UMODL1: variants seen among roughly 807,000 people sequenced by gnomAD.
The protein encoded by UMODL1 is uromodulin-like 1.
Under a neutral mutation model 136.3 loss-of-function variants are expected in UMODL1, and 128 were observed. That is an observed-to-expected ratio of 0.94 (90% CI 0.81 to 1.09). The LOEUF (loss-of-function observed/expected upper bound fraction) is 1.09. Ranked by LOEUF, UMODL1 falls within the 50% of genes least tolerant of loss-of-function variation. UMODL1 has a pLI of 0.00. For synonymous variants in UMODL1, 721 were observed against 720.0 expected (o/e 1.00, Z -0.02); for missense variants, 1,766 against 1,725.6 (o/e 1.02, Z -0.41).
chr21:42,098,179 A>G (rs1354990669), intron 6 of UMODL1, among the ~76,000 whole-genome samples: 2 of 80,438 alleles, frequency 2.5e-5, no homozygotes, highest in African/African-American at 7.0e-5. Flanking sequence ...GTCCCCAGAG[A>G]GACTGTTCTG....
chr21:42,138,739 C>A (rs2123407216), intron 22 of UMODL1, among the ~76,000 whole-genome samples: 1 of 152,268 alleles, frequency 6.6e-6, no homozygotes, highest in East Asian at 1.9e-4. Context: ...CCACACCCAG[C>A]TAGTTTTGTA....
At chr21:42,129,435 C>T (rs1481275848) in intron 20 of UMODL1, among the ~76,000 whole-genome samples, 2 of 152,168 alleles carry the variant, frequency 1.3e-5, no homozygotes, top group African/African-American at 4.8e-5. Context: ...GCAGCTCTAG[C>T]AACCAAAAGC....
At chr21:42,073,017 TGTGTGC>T (rs1297685014) in intron 1 of UMODL1, among the ~76,000 whole-genome samples, 5 of 150,874 alleles carry the variant, frequency 3.3e-5, no homozygotes, top group African/African-American at 4.9e-5. Flanking sequence ...AGTGTGTGTG[TGTGTGC>T]GCGCGCGCGT....
At chr21:42,069,646 C>T (rs1012696828), upstream of UMODL1, among the ~76,000 whole-genome samples, 2 of 152,114 alleles carry the variant, frequency 1.3e-5, no homozygotes, top group Non-Finnish European at 2.9e-5. Flanking sequence ...ATAGGGCAAT[C>T]GTGAAGATGA....
rs372833126 is a variant in UMODL1 at position 42,122,576 on chromosome 21, C to T, written c.2828-255C>T. 6.9e-4 allele frequency among the ~76,000 whole-genome samples: 104 copies of T among 150,512 alleles called. No individual in the cohort carries two copies. Among genetic ancestry groups the T allele is most frequent in the Middle Eastern group, 3.4e-3 (1 of 294 alleles). On this transcript the variant is annotated intron_variant, in intron 16 of 22. Coordinates refer to ENST00000408910, the MANE Select transcript of UMODL1 (RefSeq NM_001004416.3). This position sits in a 1 kb window ranked among gnomAD's most constrained non-coding sequence, Gnocchi z 4.3. ...GTGTGTGTCTGCACGTGTGTGCGTG[C>T]GTGTGTGCATGTGTGTGCATGTGTG...
At chr21:42,118,885 G>C (rs199726197) in intron 14 of UMODL1, among the ~76,000 whole-genome samples, 4 of 21,536 alleles carry the variant, frequency 1.9e-4, no homozygotes, top group African/African-American at 4.9e-4. Flanking sequence ...TTACTGGTTT[G>C]GGGGGGGAAA....
In UMODL1 at chr21:42,127,022, G is replaced by A. The variant is rs775296850; in HGVS notation, c.3310G>A (p.Glu1104Lys). ...CTCTTGCAGGGTTTACACCATCATC[G>A]AGGACCTCCACGGCGCTGGGAATTT... is the stretch of plus-strand genomic sequence containing the variant. ...TLEWGVYTII[E>K]DLHGAGNFVT... The change falls in exon 19 of 23, where the codon GAG (glutamate) becomes AAG (lysine). Residue 1104 changes from glutamate to lysine, a missense_variant. Coordinates refer to ENST00000408910, the MANE Select transcript of UMODL1 (RefSeq NM_001004416.3). 31 of 1,614,030 alleles carry A rather than the reference G, an allele frequency of 1.9e-5. No homozygotes were observed. The highest frequency in any genetic ancestry group is 6.7e-5 in the Admixed American group (4 of 60,008).
intron 7 of UMODL1, chr21:42,101,836 C>G (rs1461855549): frequency 2.3e-6 from 1 of 430,554 alleles, no homozygotes; most frequent in African/African-American, 2.0e-5. Context: ...CTCCTGGGCC[C>G]TGTGGTTGTG....
chr21:42,073,019 TGTGC>T (rs1365764400), intron 1 of UMODL1, among the ~76,000 whole-genome samples: 1 of 117,698 alleles, frequency 8.5e-6, no homozygotes, highest in South Asian at 2.6e-4. Flanking sequence ...TGTGTGTGTG[TGTGC>T]GCGCGCGCGT....
intron 21 of UMODL1, among the ~76,000 whole-genome samples, chr21:42,134,660 G>A (rs980434517): frequency 6.6e-6 from 1 of 152,092 alleles, no homozygotes; most frequent in Non-Finnish European, 1.5e-5. Context: ...TGTTGCCCAG[G>A]CTGGAGTGCA....
rs1040209332 is a variant in UMODL1 at position 42,099,941 on chromosome 21, C to G, written c.1186+761C>G. 2.6e-5 allele frequency among the ~76,000 whole-genome samples: 4 copies of G among 152,182 alleles called. No homozygotes were observed. Among genetic ancestry groups the G allele is most frequent in the African/African-American group, 9.7e-5 (4 of 41,444 alleles). Reference sequence around the variant, plus strand: ...AGTGATCTCAGGAGGCAACTTTTGTCTCCAAAACACACACGACACACACAT... The same window carrying G: ...AGTGATCTCAGGAGGCAACTTTTGTGTCCAAAACACACACGACACACACAT... On this transcript the variant is annotated intron_variant, in intron 7 of 22. Coordinates refer to ENST00000408910, the MANE Select transcript of UMODL1 (RefSeq NM_001004416.3). This position sits in a 1 kb window ranked among gnomAD's most constrained non-coding sequence, Gnocchi z 4.1.
At chr21:42,111,331 C>T (rs1490545022) in intron 11 of UMODL1, 175 bp from the exon 12 acceptor site, 1 of 1,604,690 alleles carries the variant, frequency 6.2e-7, no homozygotes. Flanking sequence ...AGGGGAGCCC[C>T]AGCCAGGGGA....
At chr21:42,111,973 G>T (rs1601241256) in intron 12 of UMODL1, among the ~76,000 whole-genome samples, 1 of 152,084 alleles carries the variant, frequency 6.6e-6, no homozygotes, top group Non-Finnish European at 1.5e-5. Flanking sequence ...TGGGGCGGAG[G>T]TCTGCCTTCA....
intron 1 of UMODL1, among the ~76,000 whole-genome samples, chr21:42,075,092 C>T (rs1426234215): frequency 6.6e-6 from 1 of 151,946 alleles, no homozygotes; most frequent in Non-Finnish European, 1.5e-5. Context: ...TAGAGAGGGG[C>T]TTTCACCATG....
At chr21:42,141,850 C>T (rs768825439) in intron 22 of UMODL1, among the ~76,000 whole-genome samples, 3 of 152,214 alleles carry the variant, frequency 2.0e-5, no homozygotes, top group Admixed American at 6.5e-5. Context: ...CAGCCACCCC[C>T]ACCAGTTGGC....
intron 1 of UMODL1, among the ~76,000 whole-genome samples, chr21:42,065,114 C>G (rs977626278): frequency 2.0e-5 from 3 of 152,168 alleles, no homozygotes; most frequent in Non-Finnish European, 4.4e-5. Flanking sequence ...ACCTCAGCCC[C>G]GGCAGAAAGA....
chr21:42,080,523 G>A (rs1569142754), intron 2 of UMODL1, among the ~76,000 whole-genome samples: 1 of 152,204 alleles, frequency 6.6e-6, no homozygotes, highest in Non-Finnish European at 1.5e-5. Flanking sequence ...ACGGAAGCAT[G>A]GACACACACG....
In UMODL1 at chr21:42,088,414, G is replaced by A. The variant is rs1297229550; in HGVS notation, c.724G>A (p.Asp242Asn). 1.2e-6 allele frequency: 2 copies of A among 1,614,058 alleles called. No individual in the cohort carries two copies. The highest frequency in any genetic ancestry group is 1.7e-5 in the Admixed American group (1 of 60,026). The change falls in exon 5 of 23, where the codon GAC (aspartate) becomes AAC (asparagine). Residue 242 changes from aspartate to asparagine, a missense_variant. Physicochemically the swap from Asp to Asn is conservative, Grantham distance 23. Coordinates refer to ENST00000408910, the MANE Select transcript of UMODL1 (RefSeq NM_001004416.3). The part of the protein sequence containing the change: ...LGLPRPLPVA[D>N]VSTLLGDIAK... ...CCTGCCACGGCCACTGCCTGTGGCTGACGTCTCCACCCTGCTGGGTGACAT... is the reference window on the plus strand; with the variant it reads ...CCTGCCACGGCCACTGCCTGTGGCTAACGTCTCCACCCTGCTGGGTGACAT...
At chr21:42,069,567 GT>G (rs1237309330), upstream of UMODL1, among the ~76,000 whole-genome samples, 3 of 152,084 alleles carry the variant, frequency 2.0e-5, no homozygotes, top group Non-Finnish European at 4.4e-5. Context: ...TTAATCTCTT[GT>G]TTACTGGCTG....
Sources: allele counts gnomAD v4.1 joint callset (sites outside exome capture counted in the v4.1 genomes callset), GRCh38; gene constraint gnomAD v4.1.1; non-coding constraint Gnocchi (gnomAD v3.1); transcripts MANE v1.5; gene names NCBI Gene and HGNC (gene_info 2026-07-23, HGNC 2026-07-21).